The following ADGRD1 variants were observed in gnomAD, a reference collection of about 807,000 sequenced individuals.
ADGRD1 encodes G-protein coupled receptor 133.
ADGRD1 carries 77 observed loss-of-function variants against 113.4 expected under a neutral mutation model. The observed-to-expected ratio is 0.68, with a 90% CI of 0.57 to 0.82. The LOEUF (loss-of-function observed/expected upper bound fraction) is 0.82, where lower values mean the gene tolerates loss of function less well. Ranked by LOEUF, ADGRD1 falls within the 40% of genes least tolerant of loss-of-function variation. The pLI, the probability that ADGRD1 is intolerant of heterozygous loss-of-function variation, is 0.00. For missense variants in ADGRD1, 1,036 were observed against 1,139.1 expected, an observed-to-expected ratio of 0.91 and a Z score of 1.30; for synonymous variants, 474 against 475.0, an observed-to-expected ratio of 1.00 and a Z score of 0.03.
chr12:131,017,062 G>A (rs748842415), intron 13 of ADGRD1, among the ~76,000 whole-genome samples: 2 of 152,090 alleles, frequency 1.3e-5, no homozygotes, highest in African/African-American at 4.8e-5. Flanking sequence ...CATCCCAGAA[G>A]GTGAGGCGGG....
Position 130,984,711 on chromosome 12 carries a change from T to G in ADGRD1, c.491-2384T>G, listed in dbSNP as rs1289027810. On this transcript the variant is annotated intron_variant, in intron 5 of 24. Coordinates refer to ENST00000261654, the MANE Select transcript of ADGRD1 (RefSeq NM_198827.5). This position sits in a 1 kb window ranked among gnomAD's most constrained non-coding sequence, Gnocchi z 4.1. Reference sequence around the variant, plus strand: ...ACATTCTATGGGTTGGTGAGGTTGATCTTTCGCCCATTTTAAAAATTGGAT... The same window carrying G: ...ACATTCTATGGGTTGGTGAGGTTGAGCTTTCGCCCATTTTAAAAATTGGAT... 1.3e-5 allele frequency among the ~76,000 whole-genome samples: 2 copies of G among 152,074 alleles called. No individual in the cohort carries two copies. The highest frequency in any genetic ancestry group is 1.3e-4 in the Admixed American group (2 of 15,278).
chr12:131,072,306 A>G (rs941087), intron 13 of ADGRD1, among the ~76,000 whole-genome samples: 132,875 of 152,170 alleles, frequency 0.87, 58,573 homozygotes, highest in East Asian at 1. Context: ...CCAGACCAGC[A>G]TCCCACCTTG....
At chr12:130,956,946 CAT>C (rs1466169125) in intron 2 of ADGRD1, 1 of 152,468 alleles carries the variant, frequency 6.6e-6, no homozygotes, top group African/African-American at 2.4e-5. Context: ...ACACACATCA[CAT>C]GTCCACACAC....
rs1282489983 is a variant in ADGRD1 at position 131,113,186 on chromosome 12, T to G, written c.2041+4309T>G. 6.6e-6 allele frequency among the ~76,000 whole-genome samples: 1 copy of G among 152,250 alleles called. No individual in the cohort carries two copies. Among genetic ancestry groups the G allele is most frequent in the Non-Finnish European group, 1.5e-5 (1 of 68,048 alleles). On this transcript the variant is annotated intron_variant, in intron 18 of 24. Transcript: ENST00000261654. This position sits in a 1 kb window ranked among gnomAD's most constrained non-coding sequence, Gnocchi z 4.9. ...GTCTTCTTAACAAGATTTAGTAGAT[T>G]TTCTTGAGCCAGTTTTTCTCAATTT...
Position 131,022,880 on chromosome 12 carries a change from A to G in ADGRD1, c.1473+8540A>G, listed in dbSNP as rs1195896. 0.69 allele frequency: 103,661 copies of G among 151,054 alleles called. 35,772 individuals carry two copies. The highest frequency in any genetic ancestry group is 0.79 in the Middle Eastern group (229 of 290). The allele number at this position is 151,054 out of a possible 1,614,324, so 9.4% of individuals were successfully genotyped here. On this transcript the variant is annotated intron_variant, in intron 13 of 24. Transcript: ENST00000261654. The surrounding 1 kb of genome is among the most constrained non-coding windows in gnomAD (Gnocchi z 4.6). ...TGTGTGTGCTCTCAGAAGCACACGC[A>G]TGCACCTGCATCTTCCTGCATTTTT...
At chr12:131,133,130 C>T (rs912141184) in intron 21 of ADGRD1, among the ~76,000 whole-genome samples, 3 of 152,046 alleles carry the variant, frequency 2.0e-5, no homozygotes, top group Non-Finnish European at 4.4e-5. Flanking sequence ...GTCTCCTGGA[C>T]CTCTCATGGC....
chr12:130,982,666 C>A (rs946297829), intron 5 of ADGRD1, among the ~76,000 whole-genome samples: 4 of 152,188 alleles, frequency 2.6e-5, no homozygotes, highest in Non-Finnish European at 4.4e-5. Flanking sequence ...GCATGAAGCA[C>A]TGGACTGTGC....
chr12:131,025,173 A>G (rs1003415597), intron 13 of ADGRD1, among the ~76,000 whole-genome samples: 27 of 152,248 alleles, frequency 1.8e-4, no homozygotes, highest in African/African-American at 6.0e-4. Flanking sequence ...TTAAAAAAAG[A>G]AAGTGTTTGA....
At chr12:130,975,921 A>G (rs1381600807) in intron 4 of ADGRD1, among the ~76,000 whole-genome samples, 3 of 152,062 alleles carry the variant, frequency 2.0e-5, no homozygotes, top group Admixed American at 6.5e-5. Flanking sequence ...AGCCTCCCCG[A>G]TTAGCCCCTC....
chr12:131,098,412 G>A (rs1156409920), intron 15 of ADGRD1, among the ~76,000 whole-genome samples: 1 of 152,272 alleles, frequency 6.6e-6, no homozygotes, highest in East Asian at 1.9e-4. Context: ...TGGAGGGGGT[G>A]AGCCATGAGG....
chr12:131,043,343 C>A (rs1315761307), intron 13 of ADGRD1, among the ~76,000 whole-genome samples: 1 of 152,216 alleles, frequency 6.6e-6, no homozygotes, highest in African/African-American at 2.4e-5. Context: ...TGCCACTAAG[C>A]ACTGGAAACG....
chr12:131,072,353 T>C (rs1426645635), intron 13 of ADGRD1, among the ~76,000 whole-genome samples: 1 of 152,164 alleles, frequency 6.6e-6, no homozygotes, highest in African/African-American at 2.4e-5. Context: ...TTCTTGGTCT[T>C]TGGCAAAAAC....
rs778412415 is a variant in ADGRD1 at position 130,987,048 on chromosome 12, A to G, written c.491-47A>G. 2.5e-6 allele frequency: 4 copies of G among 1,570,358 alleles called. No individual in the cohort carries two copies. In the Admixed American group the frequency reaches 5.0e-5, roughly 20 times the overall value. On this transcript the variant is annotated intron_variant, in intron 5 of 24. Coordinates refer to ENST00000261654, the MANE Select transcript of ADGRD1 (RefSeq NM_198827.5). ...AAACAGGAAAAACCTGTGCATGGGGAGCTCATTCCCACAGTACTCAGAATG... is the reference window on the plus strand; with the variant it reads ...AAACAGGAAAAACCTGTGCATGGGGGGCTCATTCCCACAGTACTCAGAATG...
chr12:131,079,413 G>T (rs1176489232), intron 14 of ADGRD1, among the ~76,000 whole-genome samples: 2 of 152,238 alleles, frequency 1.3e-5, no homozygotes, highest in East Asian at 3.9e-4. Context: ...CAGTTGTTGA[G>T]AATTTTTGTG....
intron 15 of ADGRD1, among the ~76,000 whole-genome samples, chr12:131,102,105 G>T (rs1344369679): frequency 6.6e-6 from 1 of 152,232 alleles, no homozygotes; most frequent in Non-Finnish European, 1.5e-5. Context: ...TTTAAGGGGT[G>T]CAGAGAATGG....
In ADGRD1 at chr12:131,075,021, G is replaced by C. The variant is rs578139689; in HGVS notation, c.1474-1780G>C. On this transcript the variant is annotated intron_variant, in intron 13 of 24. Transcript: ENST00000261654. The surrounding 1 kb of genome is among the most constrained non-coding windows in gnomAD (Gnocchi z 5.3). ...GCGCTTCCACACGTGGGGCAGAGGC[G>C]GGGGCTGGCACTGGGTGAGGGGGTG... Among the ~76,000 whole-genome samples, 2 of 152,222 alleles carry C rather than the reference G, an allele frequency of 1.3e-5. No homozygotes were observed. The highest frequency in any genetic ancestry group is 6.5e-5 in the Admixed American group (1 of 15,292).
intron 15 of ADGRD1, among the ~76,000 whole-genome samples, chr12:131,087,704 G>A (rs1886585264): frequency 7.5e-6 from 1 of 133,984 alleles, no homozygotes. Flanking sequence ...CCCCGCCAGC[G>A]ACTGCCCCTT....
At chr12:131,019,697 TC>T (rs1879067389) in intron 13 of ADGRD1, among the ~76,000 whole-genome samples, 1 of 152,202 alleles carries the variant, frequency 6.6e-6, no homozygotes, top group Non-Finnish European at 1.5e-5. Context: ...TGTCAGTCAG[TC>T]CCAAAGCCAG....
chr12:131,133,995 A>G (rs1236764128), intron 21 of ADGRD1, among the ~76,000 whole-genome samples: 1 of 152,198 alleles, frequency 6.6e-6, no homozygotes, highest in African/African-American at 2.4e-5. Flanking sequence ...ACCCCAAGAA[A>G]AGTGGAGAAT....
Sources: allele counts gnomAD v4.1 joint callset (sites outside exome capture counted in the v4.1 genomes callset), GRCh38; gene constraint gnomAD v4.1.1; non-coding constraint Gnocchi (gnomAD v3.1); transcripts MANE v1.5; gene names NCBI Gene and HGNC (gene_info 2026-07-23, HGNC 2026-07-21).